ENTPD1: variants seen among roughly 807,000 people sequenced by gnomAD.
ENTPD1 encodes the protein ATP diphosphohydrolase.
A neutral mutation model predicts 57.0 loss-of-function variants in ENTPD1; 33 were observed. The observed-to-expected ratio is 0.58, with a 90% CI of 0.44 to 0.77. The LOEUF is 0.77. Among genes scored for constraint, ENTPD1 ranks in the 30% least tolerant of loss-of-function variants. ENTPD1 has a pLI of 0.00. For missense variants in ENTPD1, 501 were observed against 603.4 expected (o/e 0.83, Z 1.78); for synonymous variants, 202 against 218.8 (o/e 0.92, Z 0.68).
At chr10:95,794,906 T>G (rs1198200250) in intron 1 of ENTPD1, among the ~76,000 whole-genome samples, 1 of 152,122 alleles carries the variant, frequency 6.6e-6, no homozygotes, top group Non-Finnish European at 1.5e-5. Context: ...AAGGAAATAC[T>G]GTGATTAGAG....
In ENTPD1 at chr10:95,872,238, C is replaced by G. The variant is rs765447573; in HGVS notation, c.*5855C>G. 12 of 985,428 alleles carry G rather than the reference C, an allele frequency of 1.2e-5. No homozygotes were observed. The highest frequency in any genetic ancestry group is 1.1e-4 in the East Asian group (1 of 8,818). The allele number at this position is 985,428 out of a possible 1,614,324, so 61.0% of individuals were successfully genotyped here. A position where few individuals can be genotyped will look rare whatever the true frequency, so the allele number is the denominator to read the frequency against. On this transcript the variant is annotated 3_prime_UTR_variant, in exon 10 of 10. Coordinates refer to ENST00000371205, the MANE Select transcript of ENTPD1 (RefSeq NM_001776.6). ...GCACAGGCTTAATTTCATTGCTGCTCAACTAAAACCACTGGTGGCTTTCCA... is the reference window on the plus strand; with the variant it reads ...GCACAGGCTTAATTTCATTGCTGCTGAACTAAAACCACTGGTGGCTTTCCA...
chr10:95,815,617 A>C (rs567405748), intron 1 of ENTPD1, among the ~76,000 whole-genome samples: 18 of 152,256 alleles, frequency 1.2e-4, no homozygotes, highest in African/African-American at 4.3e-4. Context: ...AAAAGCCTGG[A>C]CCTTGAAGCC....
chr10:95,851,591 C>T lies in ENTPD1; in HGVS notation c.1074+3885C>T, dbSNP rs1191230342. 2.3e-5 allele frequency among the ~76,000 whole-genome samples: 3 copies of T among 132,372 alleles called. No homozygotes were observed. In the Admixed American group the frequency reaches 2.4e-4, roughly 10 times the overall value. The allele number at this position is 132,372 out of a possible 152,430, so 86.8% of individuals were successfully genotyped here. On this transcript the variant is annotated intron_variant, in intron 7 of 9. Transcript: ENST00000371205. ...CTATCCCTCCCCCCTCCCCCCACCC[C>T]ACGACAGTCCCCGGTGTGTGATGTT... is the stretch of plus-strand genomic sequence containing the variant.
At chr10:95,860,232 C>G (rs1215352017) in intron 7 of ENTPD1, among the ~76,000 whole-genome samples, 3 of 152,164 alleles carry the variant, frequency 2.0e-5, no homozygotes, top group Non-Finnish European at 2.9e-5. Flanking sequence ...TTCTCCCTGA[C>G]TCTTCTATTA....
chr10:95,823,286 C>T lies in ENTPD1; in HGVS notation c.66C>T (p.Gly22=), dbSNP rs777736628. ...CCAAGAATATCCTAGCCATCCTTGG[C>T]TTCTCCTCTATCATAGCTGTGATAG... ...FCSKNILAIL[G]FSSIIAVIAL... Residue 22 remains glycine, a synonymous_variant, in exon 2 of 10, where the codon GGC becomes GGT. Coordinates refer to ENST00000371205, the MANE Select transcript of ENTPD1 (RefSeq NM_001776.6). The T allele has an allele frequency of 2.4e-5, 38 of 1,614,090 alleles. No homozygotes were observed. In the East Asian group the frequency reaches 8.2e-4, roughly 35 times the overall value.
At position 95,873,043 on chromosome 10, in the gene ENTPD1, T is replaced by G; in HGVS notation, c.*6660T>G. The G allele has an allele frequency of 1.0e-6, 1 of 956,058 alleles. No homozygotes were observed. Among genetic ancestry groups the G allele is most frequent in the Non-Finnish European group, 1.2e-6 (1 of 803,216 alleles). 59.2% of individuals were successfully genotyped at this position (956,058 alleles called of 1,614,324 possible). A position where few individuals can be genotyped will look rare whatever the true frequency, so the allele number is the denominator to read the frequency against. On this transcript the variant is annotated 3_prime_UTR_variant, in exon 10 of 10. Coordinates refer to ENST00000371205, the MANE Select transcript of ENTPD1 (RefSeq NM_001776.6). The stretch of plus-strand genomic sequence containing the variant: ...CATACAAATTACCCAGGGATTTTGT[T>G]GAAATAAAAATTATTTAATTTTAAT...
intron 1 of ENTPD1, among the ~76,000 whole-genome samples, chr10:95,714,977 A>C (rs1446165404): frequency 6.6e-6 from 1 of 152,234 alleles, no homozygotes; most frequent in Non-Finnish European, 1.5e-5. Flanking sequence ...CGGGAATGAA[A>C]AGAATCGTTA....
intron 2 of ENTPD1, among the ~76,000 whole-genome samples, chr10:95,825,573 G>C (rs556378379): frequency 6.6e-6 from 1 of 151,838 alleles, no homozygotes; most frequent in African/African-American, 2.4e-5. Context: ...TCTTTGTTTG[G>C]GGTTTTTGTT....
rs1181058728 is a variant in ENTPD1 at position 95,839,811 on chromosome 10, A to G, written c.262+3A>G. On this transcript the variant is annotated splice_donor_region_variant and intron_variant, in intron 3 of 9. Coordinates refer to ENST00000371205, the MANE Select transcript of ENTPD1 (RefSeq NM_001776.6). ...AGTAGAAGAATGCAGGGTTAAAGGT[A>G]AGATGAAGACCAAGGGAAGGGGAGG... 1.9e-6 allele frequency: 3 copies of G among 1,613,890 alleles called. No individual in the cohort carries two copies. Among genetic ancestry groups the G allele is most frequent in the Non-Finnish European group, 2.5e-6 (3 of 1,179,956 alleles).
At chr10:95,771,901 A>C (rs1045333681) in intron 1 of ENTPD1, among the ~76,000 whole-genome samples, 1 of 152,062 alleles carries the variant, frequency 6.6e-6, no homozygotes, top group Non-Finnish European at 1.5e-5. Flanking sequence ...AATCTTACTC[A>C]CTGTAGTACA....
intron 7 of ENTPD1, among the ~76,000 whole-genome samples, chr10:95,850,686 C>T (rs1195464244): frequency 1.3e-5 from 2 of 152,138 alleles, no homozygotes; most frequent in Non-Finnish European, 2.9e-5. Flanking sequence ...CTGTAAATAG[C>T]AAAAAGCGGG....
intron 1 of ENTPD1, among the ~76,000 whole-genome samples, chr10:95,798,377 C>G (rs1307393499): frequency 1.3e-5 from 2 of 152,050 alleles, no homozygotes; most frequent in East Asian, 3.9e-4. Flanking sequence ...GTAATAAGAA[C>G]TAGTGTGGCA....
In ENTPD1 at chr10:95,876,563, A is replaced by G; in HGVS notation, c.*10180A>G. On this transcript the variant is annotated 3_prime_UTR_variant, in exon 10 of 10. Transcript: ENST00000371205. ...CCATCTTCTTGGAGTACTCATGAAG[A>G]TGGAAGTCTACATGGAGAATACAGG... 2.4e-6 allele frequency: 3 copies of G among 1,231,072 alleles called. No homozygotes were observed. The highest frequency in any genetic ancestry group is 3.0e-6 in the Non-Finnish European group (3 of 987,574). 76.3% of individuals were successfully genotyped at this position (1,231,072 alleles called of 1,614,324 possible).
At chr10:95,855,845 C>A (rs2098453688) in intron 7 of ENTPD1, among the ~76,000 whole-genome samples, 1 of 152,170 alleles carries the variant, frequency 6.6e-6, no homozygotes, top group Non-Finnish European at 1.5e-5. Flanking sequence ...GGTAACCCGA[C>A]CTTTCTCTCT....
At chr10:95,841,074 ACTGCCTT>A (rs1345605599) in intron 3 of ENTPD1, among the ~76,000 whole-genome samples, 2 of 152,064 alleles carry the variant, frequency 1.3e-5, no homozygotes, top group African/African-American at 4.8e-5. Context: ...TATTTGACAC[ACTGCCTT>A]CCATTTTTAA....
At chr10:95,739,071 C>A (rs2139870387) in intron 1 of ENTPD1, among the ~76,000 whole-genome samples, 1 of 152,252 alleles carries the variant, frequency 6.6e-6, no homozygotes, top group Non-Finnish European at 1.5e-5. Flanking sequence ...TGCAAAAGTA[C>A]AATGTATATA....
chr10:95,859,147 AT>A (rs2098460875), intron 7 of ENTPD1, among the ~76,000 whole-genome samples: 1 of 152,206 alleles, frequency 6.6e-6, no homozygotes, highest in Non-Finnish European at 1.5e-5. Flanking sequence ...ATATATATGT[AT>A]AAGAATATTG....
chr10:95,801,179 C>T (rs551269097), intron 1 of ENTPD1, among the ~76,000 whole-genome samples: 1 of 152,328 alleles, frequency 6.6e-6, no homozygotes, highest in South Asian at 2.1e-4. Flanking sequence ...CCTGCAACAG[C>T]TGTGCCGAAG....
At chr10:95,783,407 C>T (rs907083906) in intron 1 of ENTPD1, among the ~76,000 whole-genome samples, 3 of 152,136 alleles carry the variant, frequency 2.0e-5, no homozygotes, top group Admixed American at 1.3e-4. Flanking sequence ...CCTTGGCTGG[C>T]ACATCAAGGG....
Sources: gnomAD v4.1 joint callset for allele counts (sites outside exome capture counted in the v4.1 genomes callset) on GRCh38, gnomAD v4.1.1 for gene constraint, MANE v1.5 for transcripts, NCBI Gene and HGNC (gene_info 2026-07-23, HGNC 2026-07-21) for gene names.